The following EIF4E2 variants were observed in gnomAD, a reference collection of about 807,000 sequenced individuals.
EIF4E2 encodes eukaryotic translation initiation factor 4E type 2.
Under a neutral mutation model 34.2 loss-of-function variants are expected in EIF4E2, and 13 were observed. The observed-to-expected ratio is 0.38, with a 90% CI of 0.25 to 0.60. The LOEUF is 0.60. Ranked by LOEUF, EIF4E2 falls within the 20% of genes least tolerant of loss-of-function variation. EIF4E2 has a pLI of 0.62. For synonymous variants in EIF4E2, 100 were observed against 106.6 expected, an observed-to-expected ratio of 0.94 and a Z score of 0.38; for missense variants, 222 against 315.1, an observed-to-expected ratio of 0.70 and a Z score of 2.24.
intron 2 of EIF4E2, 42 bp from the exon 3 acceptor site, chr2:232,557,842 G>A (rs761261423): frequency 1.9e-6 from 3 of 1,602,922 alleles, no homozygotes; most frequent in African/African-American, 1.3e-5. Flanking sequence ...CTCAGACCAC[G>A]TGACAAATGC....
intron 1 of EIF4E2, among the ~76,000 whole-genome samples, chr2:232,551,591 C>T (rs1478538427): frequency 6.6e-6 from 1 of 152,202 alleles, no homozygotes; most frequent in Non-Finnish European, 1.5e-5. Context: ...AGTTACCCAG[C>T]CTCTAAGCCA....
chr2:232,557,317 GT>G (rs879750652), intron 2 of EIF4E2, among the ~76,000 whole-genome samples: 46,213 of 151,992 alleles, frequency 0.3, 7,499 homozygotes, highest in Admixed American at 0.41. Context: ...CCCTCCAAGG[GT>G]TACTAGCATT....
chr2:232,550,806 C>G, intron 1 of EIF4E2, 62 bp downstream of exon 1: 5 of 1,461,976 alleles, frequency 3.4e-6, no homozygotes, highest in Non-Finnish European at 4.6e-6. Context: ...CGCCCGCCCC[C>G]GCTGGGGCTG....
chr2:232,571,771 A>G (rs1442870795), downstream of EIF4E2, among the ~76,000 whole-genome samples: 2 of 152,228 alleles, frequency 1.3e-5, no homozygotes, highest in Admixed American at 6.5e-5. Context: ...TGGCATGGCT[A>G]AATCATAGTC....
exon 7 of EIF4E2, chr2:232,582,371 A>G (rs1693380513): frequency 6.6e-6 from 1 of 152,330 alleles, no homozygotes; most frequent in Admixed American, 6.5e-5. Flanking sequence ...CCATTCCTGA[A>G]CACCCTCTAA....
chr2:232,556,584 C>T (rs1692533359), intron 2 of EIF4E2, 54 bp downstream of exon 2: 2 of 1,250,798 alleles, frequency 1.6e-6, no homozygotes, highest in African/African-American at 1.5e-5. Flanking sequence ...CTTTTATTAT[C>T]TTGTGGAATC....
rs918117025 is a variant in EIF4E2 at position 232,567,204 on chromosome 2, G to A, written c.655G>A (p.Asp219Asn). The A allele has an allele frequency of 2.5e-6, 4 of 1,614,116 alleles. No individual in the cohort carries two copies. The highest frequency in any genetic ancestry group is 2.2e-5 in the East Asian group (1 of 44,892). ...NTIMEYKTHTDSIKMPGRLGP... is the reference protein window; with the variant it reads ...NTIMEYKTHTNSIKMPGRLGP... ...CATTATGGAATACAAAACTCACACC[G>A]ACAGCATCAAGTACGTGTTGGGGGG... Residue 219 changes from aspartate (D) to asparagine (N), a missense_variant, in exon 6 of 7, where the codon GAC becomes AAC. Coordinates refer to ENST00000258416, the MANE Select transcript of EIF4E2 (RefSeq NM_004846.4).
rs1372175964 is a variant in EIF4E2, at chr2:232,566,606, G to A, written c.376-223G>A. 2.0e-5 allele frequency among the ~76,000 whole-genome samples: 3 copies of A among 152,166 alleles called. No individual in the cohort carries two copies. The highest frequency in any genetic ancestry group is 3.8e-4 in the East Asian group (2 of 5,200). The stretch of plus-strand genomic sequence containing the variant: ...GGATTATTTTTAAAAGGTCTGTTTA[G>A]CCATTTTAATAAATGGCTTATGCCA... On this transcript the variant is annotated intron_variant, in intron 4 of 6. Coordinates refer to ENST00000258416, the MANE Select transcript of EIF4E2 (RefSeq NM_004846.4). This position sits in a 1 kb window ranked among gnomAD's most constrained non-coding sequence, Gnocchi z 4.9.
Position 232,568,971 on chromosome 2 carries a change from G to A in EIF4E2, c.692G>A (p.Arg231Lys). The A allele has an allele frequency of 3.7e-6, 6 of 1,614,160 alleles. No homozygotes were observed. Among genetic ancestry groups the A allele is most frequent in the Non-Finnish European group, 5.1e-6 (6 of 1,180,032 alleles). The change falls in exon 7 of 7, where the codon AGG (arginine) becomes AAG (lysine). Residue 231 changes from arginine to lysine, a missense_variant. This residue lies in a region of EIF4E2 where 30 missense variants were observed against 26.3 expected (regional missense o/e 1.14). Coordinates refer to ENST00000258416, the MANE Select transcript of EIF4E2 (RefSeq NM_004846.4). Reference sequence around the variant, plus strand: ...ATGCCAGGCAGGCTGGGCCCCCAAAGGCTCCTTTTTCAAAACCTCTGGAAG... The same window carrying A: ...ATGCCAGGCAGGCTGGGCCCCCAAAAGCTCCTTTTTCAAAACCTCTGGAAG... ...IKMPGRLGPQRLLFQNLWKPR... is the reference protein window; with the variant it reads ...IKMPGRLGPQKLLFQNLWKPR...
At chr2:232,568,309 A>C in intron 6 of EIF4E2, 2 of 985,406 alleles carry the variant, frequency 2.0e-6, no homozygotes, top group African/African-American at 3.5e-5. Flanking sequence ...GCTAAGTGCC[A>C]GTTTTTAAGT....
chr2:232,551,585 A>G (rs965496223), intron 1 of EIF4E2, among the ~76,000 whole-genome samples: 1 of 152,112 alleles, frequency 6.6e-6, no homozygotes, highest in African/African-American at 2.4e-5. Flanking sequence ...TAGAAAAGTT[A>G]CCCAGCCTCT....
chr2:232,567,288 A>T lies in EIF4E2; in HGVS notation c.665+74A>T, dbSNP rs1230345415. The T allele has an allele frequency of 1.0e-5, 16 of 1,593,350 alleles. No homozygotes were observed. The Admixed American group carries it at 2.4e-4, about 24-fold the overall frequency. On this transcript the variant is annotated intron_variant, in intron 6 of 6. Coordinates refer to ENST00000258416, the MANE Select transcript of EIF4E2 (RefSeq NM_004846.4). ...GTAGATCTGTAGTTGGGCCCAGAGG[A>T]ATATGGCCGGACAGGAGACTTACTT... is the stretch of plus-strand genomic sequence containing the variant.
In EIF4E2 at chr2:232,566,785, T is replaced by C; in HGVS notation, c.376-44T>C. The C allele has an allele frequency of 1.2e-6, 2 of 1,610,848 alleles. No homozygotes were observed. Among genetic ancestry groups the C allele is most frequent in the Non-Finnish European group, 1.7e-6 (2 of 1,178,760 alleles). ...TTACTGCCTTCATACAAAAAAAGGC[T>C]GTGAAACCATATTTTAACTTCAGTG... On this transcript the variant is annotated intron_variant, in intron 4 of 6. Transcript: ENST00000258416. This position sits in a 1 kb window ranked among gnomAD's most constrained non-coding sequence, Gnocchi z 4.9.
At chr2:232,580,132 A>ACACACACT (rs1406865884) in intron 6 of EIF4E2, among the ~76,000 whole-genome samples, 1 of 137,580 alleles carries the variant, frequency 7.3e-6, no homozygotes, top group Non-Finnish European at 1.6e-5. Flanking sequence ...ACACACACAC[A>ACACACACT]CTTTCAAGAA....
At chr2:232,567,777 C>T in intron 6 of EIF4E2, 5 of 986,530 alleles carry the variant, frequency 5.1e-6, no homozygotes, top group Non-Finnish European at 6.0e-6. Flanking sequence ...TTGGCAATCT[C>T]CCTAGGACTC....
intron 6 of EIF4E2, 41 bp from the exon 7 acceptor site, chr2:232,568,904 C>G: frequency 1.2e-6 from 2 of 1,613,710 alleles, no homozygotes; most frequent in South Asian, 2.2e-5. Context: ...GTCCCCCTCT[C>G]TTTCCTCTCC....
chr2:232,576,886 C>A (rs1048732678), intron 6 of EIF4E2, among the ~76,000 whole-genome samples: 4 of 152,186 alleles, frequency 2.6e-5, no homozygotes, highest in African/African-American at 9.6e-5. Context: ...GGCAGAGAAA[C>A]TGCTATTTAA....
chr2:232,565,608 T>C (rs751674747), intron 4 of EIF4E2, among the ~76,000 whole-genome samples: 2 of 151,778 alleles, frequency 1.3e-5, no homozygotes, highest in Non-Finnish European at 2.9e-5. Context: ...CACTCCAGCC[T>C]GGGTGACAGA....
At chr2:232,562,521 G>A (rs1271525865) in intron 3 of EIF4E2, among the ~76,000 whole-genome samples, 1 of 152,122 alleles carries the variant, frequency 6.6e-6, no homozygotes, top group Non-Finnish European at 1.5e-5. Flanking sequence ...AGAAGGCAGA[G>A]GTTGCAGTGA....
Sources: gnomAD v4.1 joint callset for allele counts (sites outside exome capture counted in the v4.1 genomes callset) on GRCh38, gnomAD v4.1.1 for gene constraint, gnomAD v4.1.1 regional missense constraint, Gnocchi (gnomAD v3.1) non-coding constraint, MANE v1.5 for transcripts, NCBI Gene and HGNC (gene_info 2026-07-23, HGNC 2026-07-21) for gene names.